The following PRKAG2 variants were observed in gnomAD, a reference collection of about 807,000 sequenced individuals.
PRKAG2 encodes the protein protein kinase AMP-activated non-catalytic subunit gamma 2.
A neutral mutation model predicts 69.6 loss-of-function variants in PRKAG2; 26 were observed. The ratio of observed to expected loss-of-function variants is 0.37; its 90% CI spans 0.27 to 0.52. PRKAG2 has a LOEUF of 0.52. PRKAG2 is among the 20% of genes least tolerant of loss of function. The probability of loss-of-function intolerance (pLI) is 0.90; values close to 1 mark genes in which losing one functional copy is unlikely to be tolerated. For missense variants in PRKAG2, 557 were observed against 740.0 expected, an observed-to-expected ratio of 0.75 and a Z score of 2.87; for synonymous variants, 293 against 285.0, an observed-to-expected ratio of 1.03 and a Z score of -0.28.
At chr7:151,735,016 A>G (rs1055111687) in intron 3 of PRKAG2, among the ~76,000 whole-genome samples, 3 of 151,800 alleles carry the variant, frequency 2.0e-5, no homozygotes, top group Middle Eastern at 6.8e-3. Flanking sequence ...CACCACGCCC[A>G]GCTAATTTTT....
At chr7:151,679,475 C>A (rs879455022) in intron 3 of PRKAG2, among the ~76,000 whole-genome samples, 32 of 152,154 alleles carry the variant, frequency 2.1e-4, no homozygotes, top group African/African-American at 9.6e-5. Flanking sequence ...CCTTTCCCCA[C>A]TGGACACAGG....
At chr7:151,676,466 G>A (rs1356254014) in intron 3 of PRKAG2, among the ~76,000 whole-genome samples, 1 of 151,976 alleles carries the variant, frequency 6.6e-6, no homozygotes, top group Non-Finnish European at 1.5e-5. Flanking sequence ...GCAAATAATG[G>A]GAGGGGCAAC....
intron 3 of PRKAG2, among the ~76,000 whole-genome samples, chr7:151,740,260 G>C (rs954035743): frequency 1.8e-4 from 28 of 152,212 alleles, no homozygotes; most frequent in Non-Finnish European, 3.2e-4. Context: ...GGCTTTCATA[G>C]CTCCCTACAT....
chr7:151,630,766 C>T (rs112852432), intron 5 of PRKAG2, among the ~76,000 whole-genome samples: 45 of 152,298 alleles, frequency 3.0e-4, no homozygotes, highest in African/African-American at 1.1e-3. Flanking sequence ...CTGTGGACAG[C>T]GGCCAAGATT....
chr7:151,861,418 C>T (rs1044746724), intron 1 of PRKAG2, among the ~76,000 whole-genome samples: 2 of 149,610 alleles, frequency 1.3e-5, no homozygotes, highest in Admixed American at 6.8e-5. Flanking sequence ...ATCCCAGCTA[C>T]TGGGGAGGCT....
intron 4 of PRKAG2, among the ~76,000 whole-genome samples, chr7:151,655,904 CT>C (rs1304356226): frequency 6.6e-6 from 1 of 152,216 alleles, no homozygotes; most frequent in Non-Finnish European, 1.5e-5. Flanking sequence ...GTCAGGCCAT[CT>C]CAAACATACT....
At chr7:151,565,267 G>T (rs1584940608) in intron 13 of PRKAG2, 79 bp downstream of exon 13, 1 of 1,133,400 alleles carries the variant, frequency 8.8e-7, no homozygotes, top group Non-Finnish European at 1.2e-6. Context: ...TAAGAAACAA[G>T]ATAAAAACAT....
chr7:151,694,432 T>G (rs1393466736), intron 3 of PRKAG2, among the ~76,000 whole-genome samples: 1 of 152,100 alleles, frequency 6.6e-6, no homozygotes, highest in East Asian at 1.9e-4. Flanking sequence ...TGAAACTCTG[T>G]CCTCATAAAA....
At position 151,835,917 on chromosome 7, in the gene PRKAG2, G is replaced by A. The variant is rs1454985555; in HGVS notation, c.114+40590C>T. 6.6e-6 allele frequency among the ~76,000 whole-genome samples: 1 copy of A among 152,222 alleles called. No homozygotes were observed. The highest frequency in any genetic ancestry group is 1.5e-5 in the Non-Finnish European group (1 of 68,032). On this transcript the variant is annotated intron_variant, in intron 1 of 15. Transcript: ENST00000287878. The surrounding 1 kb of genome is among the most constrained non-coding windows in gnomAD (Gnocchi z 4.1). The stretch of plus-strand genomic sequence containing the variant: ...TCAAGAGTGGGGTGCAGCTCAGGGA[G>A]GCATCGGAGATGGGGACTGTGACGA...
intron 1 of PRKAG2, among the ~76,000 whole-genome samples, chr7:151,823,194 C>G (rs2078832049): frequency 1.3e-5 from 2 of 152,024 alleles, no homozygotes; most frequent in South Asian, 4.2e-4. Context: ...TCAGGAAGAA[C>G]AGGAAAAATG....
At chr7:151,558,004 T>A (rs547981700) in intron 15 of PRKAG2, 2 of 985,044 alleles carry the variant, frequency 2.0e-6, no homozygotes, top group Non-Finnish European at 2.4e-6. Flanking sequence ...ATTTTTCTCA[T>A]CACAGGAGCT....
At chr7:151,617,172 G>C (rs1167387890) in intron 5 of PRKAG2, among the ~76,000 whole-genome samples, 1 of 151,154 alleles carries the variant, frequency 6.6e-6, no homozygotes, top group Non-Finnish European at 1.5e-5. Context: ...TGAGGTAGGA[G>C]AATCACTTGA....
intron 4 of PRKAG2, among the ~76,000 whole-genome samples, chr7:151,639,028 C>T (rs1215134293): frequency 6.6e-6 from 1 of 152,182 alleles, no homozygotes; most frequent in Non-Finnish European, 1.5e-5. Context: ...CACTCTGCTC[C>T]CGTTCCCACT....
At chr7:151,651,424 T>C (rs1828476024) in intron 4 of PRKAG2, among the ~76,000 whole-genome samples, 1 of 152,074 alleles carries the variant, frequency 6.6e-6, no homozygotes, top group Non-Finnish European at 1.5e-5. Flanking sequence ...CTGGCCAACA[T>C]AGTGAAACCC....
intron 3 of PRKAG2, among the ~76,000 whole-genome samples, chr7:151,751,898 A>G (rs2074719810): frequency 6.6e-6 from 1 of 152,200 alleles, no homozygotes; most frequent in Non-Finnish European, 1.5e-5. Context: ...CAGGAGTGAC[A>G]TGCACACGTA....
At chr7:151,630,131 G>A (rs147973233) in intron 5 of PRKAG2, among the ~76,000 whole-genome samples, 9 of 152,148 alleles carry the variant, frequency 5.9e-5, no homozygotes, top group Non-Finnish European at 8.8e-5. Flanking sequence ...AGGAATGACA[G>A]CAATATAGAT....
intron 1 of PRKAG2, among the ~76,000 whole-genome samples, chr7:151,815,151 AG>A (rs913939689): frequency 8.6e-5 from 13 of 151,858 alleles, no homozygotes; most frequent in African/African-American, 2.7e-4. Context: ...GCTTTCCAAA[AG>A]GCTCTGGCAG....
In PRKAG2 at chr7:151,876,953, T is replaced by C. The variant is rs2080419206; in HGVS notation, c.-333A>G. The C allele has an allele frequency of 2.4e-6, 1 of 413,470 alleles. No homozygotes were observed. Among genetic ancestry groups the C allele is most frequent in the Non-Finnish European group, 4.5e-6 (1 of 221,026 alleles). 25.6% of individuals were successfully genotyped at this position (413,470 alleles called of 1,614,324 possible). ...CCTTTTGCAAAGCTAAGAAACATTT[T>C]CCACCCTCTCGGCTCCTCCCACAGA... On this transcript the variant is annotated 5_prime_UTR_variant, in exon 1 of 16. Coordinates refer to ENST00000287878, the MANE Select transcript of PRKAG2 (RefSeq NM_016203.4).
intron 3 of PRKAG2, among the ~76,000 whole-genome samples, chr7:151,737,844 A>T (rs2073559643): frequency 2.0e-5 from 3 of 152,210 alleles, no homozygotes; most frequent in African/African-American, 7.2e-5. Context: ...TATCCCCATG[A>T]GATGAAACCC....
Sources: gnomAD v4.1 joint callset for allele counts (sites outside exome capture counted in the v4.1 genomes callset) on GRCh38, gnomAD v4.1.1 for gene constraint, Gnocchi (gnomAD v3.1) non-coding constraint, MANE v1.5 for transcripts, NCBI Gene and HGNC (gene_info 2026-07-23, HGNC 2026-07-21) for gene names.